The following ADAMTS9 variants were observed in gnomAD, a reference collection of about 807,000 sequenced individuals.
ADAMTS9 encodes A disintegrin and metalloproteinase with thrombospondin motifs 9.
In ADAMTS9, 107 loss-of-function variants were observed where a neutral mutation model predicts 257.1. The observed-to-expected ratio is 0.42, with a 90% CI of 0.36 to 0.49. The LOEUF is 0.49. ADAMTS9 is among the 20% of genes least tolerant of loss of function. The pLI is 0.03. For synonymous variants in ADAMTS9, 982 were observed against 880.9 expected (o/e 1.11, Z -2.03); for missense variants, 2,353 against 2,469.1 (o/e 0.95, Z 1.00).
At chr3:64,638,533 C>T (rs145798473) in intron 12 of ADAMTS9, among the ~76,000 whole-genome samples, 70 of 152,172 alleles carry the variant, frequency 4.6e-4, no homozygotes, top group African/African-American at 1.7e-3. Flanking sequence ...ACAGATAGAA[C>T]AAGGGACTGT....
At chr3:64,591,203 G>A (rs1267305445) in intron 28 of ADAMTS9, among the ~76,000 whole-genome samples, 1 of 152,092 alleles carries the variant, frequency 6.6e-6, no homozygotes, top group African/African-American at 2.4e-5. Context: ...AACTTTGTGA[G>A]GCCAAGGCAG....
chr3:64,611,075 C>CAA lies in ADAMTS9; in HGVS notation c.3354+2268_3354+2269dup, dbSNP rs34998404. 3.0e-3 allele frequency among the ~76,000 whole-genome samples: 213 copies of CAA among 72,004 alleles called. 5 individuals carry two copies. In the East Asian group the frequency reaches 0.037, roughly 12 times the overall value. The allele number at this position is 72,004 out of a possible 152,430, so 47.2% of individuals were successfully genotyped here. A position where few individuals can be genotyped will look rare whatever the true frequency, so the allele number is the denominator to read the frequency against. On this transcript the variant is annotated intron_variant, in intron 22 of 39. Transcript: ENST00000498707. ...TGGGCGACAGAGTGAGACTCTGTCT[C>CAA]AAAAAAAAAAAAAAAAAAAAAAAAA...
At chr3:64,634,291 T>G (rs747910824) in intron 12 of ADAMTS9, among the ~76,000 whole-genome samples, 2 of 152,154 alleles carry the variant, frequency 1.3e-5, no homozygotes, top group Non-Finnish European at 2.9e-5. Flanking sequence ...CAAGAGTAGT[T>G]TGGAATGCTC....
chr3:64,648,639 T>A (rs987198797), intron 10 of ADAMTS9, among the ~76,000 whole-genome samples: 5 of 152,230 alleles, frequency 3.3e-5, no homozygotes, highest in Admixed American at 2.6e-4. Flanking sequence ...TTTATTTTTT[T>A]AAATAGAAAA....
In ADAMTS9 at chr3:64,594,318, C is replaced by T; in HGVS notation, c.4296G>A (p.Glu1432=). 1 of 1,613,244 alleles carries T rather than the reference C, an allele frequency of 6.2e-7. No homozygotes were observed. The highest frequency in any genetic ancestry group is 1.1e-5 in the South Asian group (1 of 91,030). The change falls in exon 28 of 40, where the codon GAG becomes GAA. Residue 1432 remains glutamate (E), a synonymous_variant. Coordinates refer to ENST00000498707, the MANE Select transcript of ADAMTS9 (RefSeq NM_182920.2). ...GTGGACAAGCATGTGTGTTACACTG[C>T]TCACGATCGGGAGGTTTATCAAGAA... ...CEILDKPPDR[E]QCNTHACPHD...
chr3:64,550,953 T>C lies in ADAMTS9; in HGVS notation c.4808A>G (p.Asp1603Gly). The C allele has an allele frequency of 1.2e-6, 2 of 1,614,154 alleles. No individual in the cohort carries two copies. The highest frequency in any genetic ancestry group is 8.5e-7 in the Non-Finnish European group (1 of 1,180,016). Residue 1603 changes from aspartate to glycine, a missense_variant, in exon 31 of 40, where the codon GAC becomes GGC. Physicochemically the swap from Asp to Gly is moderately conservative, Grantham distance 94. Coordinates refer to ENST00000498707, the MANE Select transcript of ADAMTS9 (RefSeq NM_182920.2). ...ARCDVSKRPV[D>G]RESCSLQPCE... ...GGGTTGCAAACTACAGCTTTCACGG[T>C]CCACCGGCCGCTTGCTCACGTCACA...
chr3:64,616,773 G>T (rs922434783), intron 19 of ADAMTS9, among the ~76,000 whole-genome samples: 26 of 152,100 alleles, frequency 1.7e-4, no homozygotes, highest in South Asian at 4.2e-4. Context: ...CTAAATAAAT[G>T]ACCTTAAAAT....
chr3:64,645,858 G>A (rs1223661601), intron 11 of ADAMTS9, among the ~76,000 whole-genome samples: 1 of 152,136 alleles, frequency 6.6e-6, no homozygotes. Context: ...AAGCTCTCCC[G>A]AAGCTCCCCA....
intron 39 of ADAMTS9, among the ~76,000 whole-genome samples, chr3:64,518,764 A>T (rs74279539): frequency 0.049 from 3,207 of 65,376 alleles, 395 homozygotes; most frequent in Admixed American, 0.33. Context: ...TTACCTTTTC[A>T]TTTTTTTTTT....
intron 30 of ADAMTS9, among the ~76,000 whole-genome samples, chr3:64,555,329 G>A (rs1470887094): frequency 6.6e-6 from 1 of 152,160 alleles, no homozygotes; most frequent in Non-Finnish European, 1.5e-5. Flanking sequence ...GCGGTGGGGA[G>A]AAGGAGGCAG....
intron 18 of ADAMTS9, 76 bp from the exon 19 acceptor site, chr3:64,621,316 G>A (rs975324650): frequency 2.7e-6 from 4 of 1,477,566 alleles, no homozygotes; most frequent in Non-Finnish European, 3.7e-6. Context: ...GGATTGGCAA[G>A]CATTTTCTCT....
intron 22 of ADAMTS9, among the ~76,000 whole-genome samples, chr3:64,608,509 C>T (rs910773483): frequency 1.3e-5 from 2 of 151,676 alleles, no homozygotes; most frequent in African/African-American, 4.8e-5. Context: ...AAAGTGATGC[C>T]AATATATTAG....
chr3:64,640,133 G>A (rs1700602108), intron 12 of ADAMTS9, among the ~76,000 whole-genome samples: 1 of 152,182 alleles, frequency 6.6e-6, no homozygotes, highest in Non-Finnish European at 1.5e-5. Flanking sequence ...CATAGCTACA[G>A]TGTTAGTTTT....
chr3:64,532,585 T>C (rs1011628134), intron 38 of ADAMTS9, among the ~76,000 whole-genome samples: 3 of 152,144 alleles, frequency 2.0e-5, no homozygotes, highest in African/African-American at 7.2e-5. Context: ...TCTGACTCAC[T>C]AGGGTCTGGG....
chr3:64,635,154 C>G (rs1700464362), intron 12 of ADAMTS9, among the ~76,000 whole-genome samples: 1 of 152,176 alleles, frequency 6.6e-6, no homozygotes, highest in African/African-American at 2.4e-5. Context: ...CGAGGCAGGA[C>G]TCAGTGCTCC....
intron 28 of ADAMTS9, among the ~76,000 whole-genome samples, chr3:64,574,765 T>C (rs2083792466): frequency 6.6e-6 from 1 of 151,816 alleles, no homozygotes; most frequent in Admixed American, 6.6e-5. Context: ...CCCCAACCAC[T>C]TTAATCCTTA....
Position 64,594,374 on chromosome 3 carries a change from C to G in ADAMTS9, c.4240G>C (p.Gly1414Arg), listed in dbSNP as rs754138717. ...TRLVVCQRSNGERFPDLSCEI... is the reference protein window; with the variant it reads ...TRLVVCQRSNRERFPDLSCEI... ...CAGCTCAAATCTGGAAACCGTTCAC[C>G]GTTGGACCGCTGACAGACCACCAGT... The change falls in exon 28 of 40, where the codon GGT (glycine) becomes CGT (arginine). Residue 1414 changes from glycine (G) to arginine (R), a missense_variant. Transcript: ENST00000498707. 3 of 1,613,930 alleles carry G rather than the reference C, an allele frequency of 1.9e-6. No homozygotes were observed. The highest frequency in any genetic ancestry group is 2.2e-5 in the East Asian group (1 of 44,872).
intron 9 of ADAMTS9, 24 bp from the exon 10 acceptor site, chr3:64,649,802 C>T: frequency 6.2e-7 from 1 of 1,602,720 alleles, no homozygotes; most frequent in Non-Finnish European, 8.5e-7. Flanking sequence ...CAGAAACACA[C>T]AGATGGTGAG....
chr3:64,601,276 G>A (rs1210848445), intron 26 of ADAMTS9, among the ~76,000 whole-genome samples: 1 of 152,180 alleles, frequency 6.6e-6, no homozygotes, highest in African/African-American at 2.4e-5. Flanking sequence ...ACCCAAGAAA[G>A]CAGGAATTAT....
Sources: allele counts gnomAD v4.1 joint callset (sites outside exome capture counted in the v4.1 genomes callset), GRCh38; gene constraint gnomAD v4.1.1; transcripts MANE v1.5; gene names NCBI Gene and HGNC (gene_info 2026-07-23, HGNC 2026-07-21).